The following PCDHGB6 variants were observed in gnomAD, a reference collection of about 807,000 sequenced individuals.
The protein encoded by PCDHGB6 is protocadherin gamma-B6.
A neutral mutation model predicts 59.1 loss-of-function variants in PCDHGB6; 51 were observed. That is an observed-to-expected ratio of 0.86 (90% CI 0.69 to 1.09). PCDHGB6 has a LOEUF of 1.09. PCDHGB6 is among the 50% of genes least tolerant of loss of function. PCDHGB6 has a pLI of 0.00. For missense variants in PCDHGB6, 1,148 were observed against 1,205.1 expected, an observed-to-expected ratio of 0.95 and a Z score of 0.70; for synonymous variants, 466 against 495.1, an observed-to-expected ratio of 0.94 and a Z score of 0.78.
Position 141,476,540 on chromosome 5 carries a change from T to C in PCDHGB6, c.2419-18267T>C, listed in dbSNP as rs148362631. On this transcript the variant is annotated intron_variant, in intron 1 of 3. Coordinates refer to ENST00000520790, the MANE Select transcript of PCDHGB6 (RefSeq NM_018926.3). The surrounding 1 kb of genome is among the most constrained non-coding windows in gnomAD (Gnocchi z 7.6). Reference sequence around the variant, plus strand: ...TGCTTTCCCTACCCAGGAAATGAAATTGGAGATTAGCGAGGCCGTGGCTCC... The same window carrying C: ...TGCTTTCCCTACCCAGGAAATGAAACTGGAGATTAGCGAGGCCGTGGCTCC... 9.4e-5 allele frequency: 151 copies of C among 1,614,122 alleles called. 1 individual carries two copies. In the African/African-American group the frequency reaches 1.3e-3, roughly 14 times the overall value.
Position 141,476,480 on chromosome 5 carries a change from G to A in PCDHGB6, c.2419-18327G>A, listed in dbSNP as rs761828753. 1 of 1,614,108 alleles carries A rather than the reference G, an allele frequency of 6.2e-7. No individual in the cohort carries two copies. The highest frequency in any genetic ancestry group is 2.2e-5 in the East Asian group (1 of 44,846). On this transcript the variant is annotated intron_variant, in intron 1 of 3. Transcript: ENST00000520790. This position sits in a 1 kb window ranked among gnomAD's most constrained non-coding sequence, Gnocchi z 7.6. ...GAACCCGCTGGAGCTGTTCAGCGTG[G>A]AAGTGGTGATCCAGGACATCAACGA...
In PCDHGB6 at chr5:141,489,906, C is replaced by T. The variant is rs550717535; in HGVS notation, c.2419-4901C>T. On this transcript the variant is annotated intron_variant, in intron 1 of 3. Transcript: ENST00000520790. The surrounding 1 kb of genome is among the most constrained non-coding windows in gnomAD (Gnocchi z 4.5). ...CTGTGGATGGGGGGACCCCAGCCCG[C>T]TCAGGGACCACCCTTATCTCTGTCA... 4.5e-5 allele frequency: 72 copies of T among 1,614,234 alleles called. No individual in the cohort carries two copies. In the African/African-American group the frequency reaches 5.6e-4, roughly 13 times the overall value.
intron 1 of PCDHGB6, chr5:141,414,258 TG>T: frequency 6.2e-7 from 1 of 1,613,492 alleles, no homozygotes; most frequent in Non-Finnish European, 8.5e-7. Flanking sequence ...GTCCAGTGAC[TG>T]AAGATTCACC....
intron 1 of PCDHGB6, among the ~76,000 whole-genome samples, chr5:141,475,518 T>C (rs963473660): frequency 1.3e-5 from 2 of 152,356 alleles, no homozygotes; most frequent in East Asian, 1.9e-4. Flanking sequence ...TCCACGGAAA[T>C]GCTAAATGCC....
chr5:141,500,641 TA>T (rs1306300025), intron 2 of PCDHGB6, among the ~76,000 whole-genome samples: 4 of 152,346 alleles, frequency 2.6e-5, no homozygotes, highest in Middle Eastern at 3.4e-3. Flanking sequence ...ACTAGTTTTT[TA>T]AAAATAGCAA....
chr5:141,413,723 C>G, intron 1 of PCDHGB6: 1 of 1,613,552 alleles, frequency 6.2e-7, no homozygotes, highest in Non-Finnish European at 8.5e-7. Context: ...AAGCACTTCT[C>G]CCTAAGAGTT....
chr5:141,444,044 T>C (rs188266846), intron 1 of PCDHGB6, among the ~76,000 whole-genome samples: 1 of 152,098 alleles, frequency 6.6e-6, no homozygotes, highest in East Asian at 1.9e-4. Flanking sequence ...ATCAGATAAT[T>C]TGGCATCTTC....
At chr5:141,423,102 C>A (rs778561065) in intron 1 of PCDHGB6, 2 of 1,613,802 alleles carry the variant, frequency 1.2e-6, no homozygotes, top group Non-Finnish European at 1.7e-6. Flanking sequence ...AGCACACGGG[C>A]GAGGTGCGTA....
intron 2 of PCDHGB6, 70 bp downstream of exon 2, chr5:141,494,935 G>T (rs1456805368): frequency 2.5e-6 from 4 of 1,612,364 alleles, no homozygotes; most frequent in African/African-American, 1.3e-5. Context: ...GGGAGGAGAT[G>T]GGGGAGGGCC....
chr5:141,409,728 C>T lies in PCDHGB6; in HGVS notation c.1526C>T (p.Ala509Val). The change falls in exon 1 of 4, where the codon GCG becomes GTG. Residue 509 changes from alanine (A) to valine (V), a missense_variant. This residue lies in a region of PCDHGB6 where 549 missense variants were observed against 527.5 expected (regional missense o/e 1.04). Coordinates refer to ENST00000520790, the MANE Select transcript of PCDHGB6 (RefSeq NM_018926.3). The stretch of plus-strand genomic sequence containing the variant: ...GTGTCGTCATACGTGTCAGTGAGCG[C>T]GCAGAGCGGGGTGGTGTTCGCGCAG... ...LAVSSYVSVS[A>V]QSGVVFAQRA... The T allele has an allele frequency of 6.2e-7, 1 of 1,613,134 alleles. No individual in the cohort carries two copies. The highest frequency in any genetic ancestry group is 8.5e-7 in the Non-Finnish European group (1 of 1,179,884).
At position 141,489,436 on chromosome 5, in the gene PCDHGB6, T is replaced by C. The variant is rs1002519; in HGVS notation, c.2419-5371T>C. 0.23 allele frequency: 369,130 copies of C among 1,613,832 alleles called. 44,340 individuals are homozygous for C. The highest frequency in any genetic ancestry group is 0.38 in the Admixed American group (23,024 of 60,000). On this transcript the variant is annotated intron_variant, in intron 1 of 3. Transcript: ENST00000520790. The surrounding 1 kb of genome is among the most constrained non-coding windows in gnomAD (Gnocchi z 4.5). ...AGATCTGTTGAGCCGGCGGCTGCAATTGGGCTCTGAGGAGAATGGGCGCTA... is the reference window on the plus strand; with the variant it reads ...AGATCTGTTGAGCCGGCGGCTGCAACTGGGCTCTGAGGAGAATGGGCGCTA...
intron 1 of PCDHGB6, among the ~76,000 whole-genome samples, chr5:141,460,912 G>GTGTATATATA (rs145509489): frequency 6.7e-6 from 1 of 149,236 alleles, no homozygotes; most frequent in Non-Finnish European, 1.5e-5. Flanking sequence ...ATTCCATGGT[G>GTGTATATATA]TATATATATA....
At chr5:141,453,490 G>T (rs921556476) in intron 1 of PCDHGB6, among the ~76,000 whole-genome samples, 3 of 151,922 alleles carry the variant, frequency 2.0e-5, no homozygotes, top group African/African-American at 7.3e-5. Context: ...TTAAAAAAAG[G>T]TGTACTCAGA....
chr5:141,431,932 C>T lies in PCDHGB6; in HGVS notation c.2418+21312C>T. 2 of 1,614,172 alleles carry T rather than the reference C, an allele frequency of 1.2e-6. No individual in the cohort carries two copies. The highest frequency in any genetic ancestry group is 1.7e-6 in the Non-Finnish European group (2 of 1,180,002). On this transcript the variant is annotated intron_variant, in intron 1 of 3. Coordinates refer to ENST00000520790, the MANE Select transcript of PCDHGB6 (RefSeq NM_018926.3). This position sits in a 1 kb window ranked among gnomAD's most constrained non-coding sequence, Gnocchi z 4.8. The stretch of plus-strand genomic sequence containing the variant: ...TCTGTTTCATCCAAGGAAATCTGCC[C>T]TTTAAATTAGAAAAATCTTACGGAA...
rs377138746 is a variant in PCDHGB6 at position 141,432,481 on chromosome 5, C to T, written c.2418+21861C>T. ...CCCTCCCCACGGACGGTTCCACTGG[C>T]GTGGAGCTGGCTCCCCGCTCCGCAG... On this transcript the variant is annotated intron_variant, in intron 1 of 3. Transcript: ENST00000520790. This position sits in a 1 kb window ranked among gnomAD's most constrained non-coding sequence, Gnocchi z 6.0. The T allele has an allele frequency of 1.1e-5, 17 of 1,614,198 alleles. No individual in the cohort carries two copies. The African/African-American group carries it at 1.7e-4, about 16-fold the overall frequency.
intron 1 of PCDHGB6, among the ~76,000 whole-genome samples, chr5:141,492,095 CT>C (rs1047956109): frequency 6.6e-6 from 1 of 152,232 alleles, no homozygotes; most frequent in African/African-American, 2.4e-5. Context: ...CTTCGCCGGT[CT>C]GTAGATTTCC....
At chr5:141,412,133 C>T (rs2095537829) in intron 1 of PCDHGB6, 1 of 152,184 alleles carries the variant, frequency 6.6e-6, no homozygotes, top group African/African-American at 2.4e-5. Flanking sequence ...GGACTTTGGC[C>T]TCTGATACAA....
chr5:141,454,076 T>A (rs190918056), intron 1 of PCDHGB6, among the ~76,000 whole-genome samples: 2 of 152,352 alleles, frequency 1.3e-5, no homozygotes, highest in East Asian at 3.8e-4. Flanking sequence ...TGATAATGTT[T>A]TCAGTGAAAT....
chr5:141,489,126 T>A lies in PCDHGB6; in HGVS notation c.2419-5681T>A. ...TGCAAGCAGGCAAACCTCCGAGCAGTTTTTAAGAGGCTGGAAGGAGACATA... is the reference window on the plus strand; with the variant it reads ...TGCAAGCAGGCAAACCTCCGAGCAGATTTTAAGAGGCTGGAAGGAGACATA... On this transcript the variant is annotated intron_variant, in intron 1 of 3. Transcript: ENST00000520790. This position sits in a 1 kb window ranked among gnomAD's most constrained non-coding sequence, Gnocchi z 4.5. 1.7e-6 allele frequency: 1 copy of A among 585,136 alleles called. No individual in the cohort carries two copies. Among genetic ancestry groups the A allele is most frequent in the Non-Finnish European group, 2.7e-6 (1 of 375,012 alleles). The allele number at this position is 585,136 out of a possible 1,614,324, so 36.2% of individuals were successfully genotyped here.
Sources: gnomAD v4.1 joint callset for allele counts (sites outside exome capture counted in the v4.1 genomes callset) on GRCh38, gnomAD v4.1.1 for gene constraint, gnomAD v4.1.1 regional missense constraint, Gnocchi (gnomAD v3.1) non-coding constraint, MANE v1.5 for transcripts, NCBI Gene and HGNC (gene_info 2026-07-23, HGNC 2026-07-21) for gene names.